The following ANKS1A variants were observed in gnomAD, a reference collection of about 807,000 sequenced individuals.
The protein encoded by ANKS1A is ankyrin repeat and sterile alpha motif domain containing 1A.
ANKS1A carries 55 observed loss-of-function variants against 120.3 expected under a neutral mutation model. The ratio of observed to expected loss-of-function variants is 0.46; its 90% CI spans 0.37 to 0.57. The LOEUF (loss-of-function observed/expected upper bound fraction) is 0.57. ANKS1A is among the 20% of genes least tolerant of loss of function. ANKS1A has a pLI of 0.00. For synonymous variants in ANKS1A, 590 were observed against 604.7 expected (o/e 0.98, Z 0.36); for missense variants, 1,123 against 1,480.3 (o/e 0.76, Z 3.96).
chr6:34,951,702 A>G (rs1481406731), intron 1 of ANKS1A, among the ~76,000 whole-genome samples: 1 of 152,228 alleles, frequency 6.6e-6, no homozygotes, highest in Non-Finnish European at 1.5e-5. Flanking sequence ...TGACAAAATA[A>G]TCATCTTAAA....
At position 35,090,514 on chromosome 6, in the gene ANKS1A, C is replaced by T. The variant is rs1778243883; in HGVS notation, c.*1905C>T. 3 of 1,058,500 alleles carry T rather than the reference C, an allele frequency of 2.8e-6. No homozygotes were observed. Among genetic ancestry groups the T allele is most frequent in the Non-Finnish European group, 3.4e-6 (3 of 873,286 alleles). 65.6% of individuals were successfully genotyped at this position (1,058,500 alleles called of 1,614,324 possible). A position where few individuals can be genotyped will look rare whatever the true frequency, so the allele number is the denominator to read the frequency against. On this transcript the variant is annotated 3_prime_UTR_variant, in exon 24 of 24. Transcript: ENST00000360359. ...CTTCTGCTTGAAGCTGCTATATCAT[C>T]TTTATTTATTCAGGGTATTTTCATA...
At chr6:34,940,893 G>A (rs1769493897) in intron 1 of ANKS1A, among the ~76,000 whole-genome samples, 1 of 149,406 alleles carries the variant, frequency 6.7e-6, no homozygotes. Flanking sequence ...GGGCAACGAG[G>A]ATGAAACTCT....
chr6:35,013,533 A>G (rs1773866650), intron 10 of ANKS1A, among the ~76,000 whole-genome samples: 1 of 152,086 alleles, frequency 6.6e-6, no homozygotes, highest in South Asian at 2.1e-4. Flanking sequence ...GAGCTCAAGC[A>G]ATCCTCCCAC....
intron 13 of ANKS1A, among the ~76,000 whole-genome samples, chr6:35,071,661 C>T (rs1159200453): frequency 1.3e-5 from 2 of 152,234 alleles, no homozygotes; most frequent in African/African-American, 2.4e-5. Context: ...GCTGAGGTAC[C>T]AGATGCTGTC....
intron 13 of ANKS1A, among the ~76,000 whole-genome samples, chr6:35,062,729 G>A (rs1776572865): frequency 6.6e-6 from 1 of 152,190 alleles, no homozygotes. Flanking sequence ...GGACTGTAAC[G>A]CCATGTGGTC....
intron 10 of ANKS1A, among the ~76,000 whole-genome samples, chr6:35,004,688 A>C (rs76977158): frequency 6.6e-6 from 1 of 151,568 alleles, no homozygotes; most frequent in Admixed American, 6.6e-5. Flanking sequence ...GAGGCCAAGG[A>C]AGGCTTACTT....
rs1402266094 is a variant in ANKS1A at position 34,925,715 on chromosome 6, AG to A, written c.197+36118del. Among the ~76,000 whole-genome samples the A allele has an allele frequency of 5.3e-5, 8 of 152,296 alleles. No homozygotes were observed. The East Asian group carries it at 1.4e-3, about 26-fold the overall frequency. On this transcript the variant is annotated intron_variant, in intron 1 of 23. Coordinates refer to ENST00000360359, the MANE Select transcript of ANKS1A (RefSeq NM_015245.3). ...GATACTCTGTGGGATTCAGACCCAA[AG>A]GAGCTTTCTTTAGTTATTTTGGAGA... is the stretch of plus-strand genomic sequence containing the variant.
chr6:34,893,539 T>C (rs1428391060), intron 1 of ANKS1A, among the ~76,000 whole-genome samples: 1 of 152,194 alleles, frequency 6.6e-6, no homozygotes, highest in Admixed American at 6.5e-5. Context: ...ATATACCCAA[T>C]GTTTACCCAT....
Position 34,914,281 on chromosome 6 carries a change from A to G in ANKS1A, c.197+24682A>G, listed in dbSNP as rs371395701. ...GCATGACATCTACCCAAAGAAATTTATGTAGACATTTAAAAAATTCATACA... is the reference window on the plus strand; with the variant it reads ...GCATGACATCTACCCAAAGAAATTTGTGTAGACATTTAAAAAATTCATACA... On this transcript the variant is annotated intron_variant, in intron 1 of 23. Coordinates refer to ENST00000360359, the MANE Select transcript of ANKS1A (RefSeq NM_015245.3). 4.2e-4 allele frequency among the ~76,000 whole-genome samples: 54 copies of G among 129,598 alleles called. No individual in the cohort carries two copies. The South Asian group carries it at 0.013, about 32-fold the overall frequency. 85.0% of individuals were successfully genotyped at this position (129,598 alleles called of 152,430 possible).
intron 1 of ANKS1A, among the ~76,000 whole-genome samples, chr6:34,911,178 A>G (rs750112450): frequency 1.3e-5 from 2 of 152,128 alleles, no homozygotes; most frequent in Admixed American, 6.5e-5. Context: ...TAAGTCTCCA[A>G]ATGGTTGTTT....
At chr6:35,078,785 T>C in intron 14 of ANKS1A, 129 bp downstream of exon 14, 1 of 815,538 alleles carries the variant, frequency 1.2e-6, no homozygotes. Flanking sequence ...CCTCTACCCC[T>C]CACCCTAGGA....
chr6:34,987,926 C>A (rs7740148), intron 8 of ANKS1A, among the ~76,000 whole-genome samples: 121,592 of 152,194 alleles, frequency 0.8, 49,819 homozygotes, highest in Non-Finnish European at 0.9. Context: ...TGCCTTTAGT[C>A]GGAACACTGA....
chr6:34,975,312 G>T (rs1471824823), intron 3 of ANKS1A, among the ~76,000 whole-genome samples: 1 of 152,070 alleles, frequency 6.6e-6, no homozygotes, highest in African/African-American at 2.4e-5. Flanking sequence ...AAATTAGCTG[G>T]ATGTGGTGGC....
At chr6:34,997,190 G>A (rs1461951494) in intron 10 of ANKS1A, among the ~76,000 whole-genome samples, 1 of 132,038 alleles carries the variant, frequency 7.6e-6, no homozygotes, top group African/African-American at 2.7e-5. Context: ...AATCATATTG[G>A]TAGAATTTTT....
chr6:35,067,380 C>T (rs35589589), intron 13 of ANKS1A, among the ~76,000 whole-genome samples: 11 of 152,184 alleles, frequency 7.2e-5, no homozygotes, highest in Non-Finnish European at 1.6e-4. Flanking sequence ...GACCAGAAAC[C>T]TGTTGTGTGT....
In ANKS1A at chr6:35,090,963, C is replaced by G; in HGVS notation, c.*2354C>G. 2.0e-6 allele frequency: 2 copies of G among 985,860 alleles called. No individual in the cohort carries two copies. Among genetic ancestry groups the G allele is most frequent in the Non-Finnish European group, 1.2e-6 (1 of 829,998 alleles). The allele number at this position is 985,860 out of a possible 1,614,324, so 61.1% of individuals were successfully genotyped here. A position where few individuals can be genotyped will look rare whatever the true frequency, so the allele number is the denominator to read the frequency against. ...CTCCTGGGCCCTCCAGCGTCAGACA[C>G]TAATGGGAGTTCCCGAGATGCTCGG... On this transcript the variant is annotated 3_prime_UTR_variant, in exon 24 of 24. Coordinates refer to ENST00000360359, the MANE Select transcript of ANKS1A (RefSeq NM_015245.3).
At chr6:35,062,900 G>A (rs1424623366) in intron 13 of ANKS1A, among the ~76,000 whole-genome samples, 1 of 152,194 alleles carries the variant, frequency 6.6e-6, no homozygotes, top group Non-Finnish European at 1.5e-5. Flanking sequence ...TCTGTTTCCT[G>A]TGGCTTCTGT....
chr6:35,054,932 C>T (rs978918100), intron 12 of ANKS1A, among the ~76,000 whole-genome samples: 3 of 152,204 alleles, frequency 2.0e-5, no homozygotes, highest in Admixed American at 1.3e-4. Context: ...GAAAGCAGCC[C>T]AGCTGGGAGC....
chr6:35,080,728 T>C (rs12110520), intron 16 of ANKS1A, among the ~76,000 whole-genome samples: 1 of 152,100 alleles, frequency 6.6e-6, no homozygotes, highest in African/African-American at 2.4e-5. Flanking sequence ...TGTTTGGTCA[T>C]GTGCAGAGGC....
Sources: allele counts gnomAD v4.1 joint callset (sites outside exome capture counted in the v4.1 genomes callset), GRCh38; gene constraint gnomAD v4.1.1; transcripts MANE v1.5; gene names NCBI Gene and HGNC (gene_info 2026-07-23, HGNC 2026-07-21).